Variants in C2CD3 observed in about 807,000 individuals in gnomAD.
C2CD3 encodes the protein C2 domain-containing protein 3.
C2CD3 carries 148 observed loss-of-function variants against 234.0 expected under a neutral mutation model. The observed-to-expected ratio is 0.63, with a 90% CI of 0.55 to 0.72. The LOEUF (loss-of-function observed/expected upper bound fraction) is 0.72, where lower values mean the gene tolerates loss of function less well. C2CD3 is among the 30% of genes least tolerant of loss of function. The pLI is 0.00. For synonymous variants in C2CD3, 1,000 were observed against 1,035.4 expected, an observed-to-expected ratio of 0.97 and a Z score of 0.66; for missense variants, 2,577 against 2,811.5, an observed-to-expected ratio of 0.92 and a Z score of 1.89.
chr11:74,032,092 G>A (rs1157249116), intron 31 of C2CD3, among the ~76,000 whole-genome samples: 1 of 152,176 alleles, frequency 6.6e-6, no homozygotes, highest in African/African-American at 2.4e-5. Context: ...TCTCTGTGTA[G>A]TGCTAGGTCC....
At chr11:74,034,962 T>C (rs1461945968) in intron 30 of C2CD3, among the ~76,000 whole-genome samples, 1 of 152,254 alleles carries the variant, frequency 6.6e-6, no homozygotes, top group Non-Finnish European at 1.5e-5. Context: ...GGTGAATATA[T>C]AACCACTTAA....
intron 3 of C2CD3, among the ~76,000 whole-genome samples, chr11:74,153,779 T>G (rs771362887): frequency 1.2e-4 from 18 of 152,174 alleles, no homozygotes; most frequent in Non-Finnish European, 1.9e-4. Flanking sequence ...GTATCTTATT[T>G]CAAGGTTTAC....
At chr11:74,119,494 C>A (rs139233293) in intron 8 of C2CD3, among the ~76,000 whole-genome samples, 27 of 152,152 alleles carry the variant, frequency 1.8e-4, no homozygotes, top group Middle Eastern at 3.4e-3. Context: ...ATTCAGGACA[C>A]AAACCCAAAG....
At position 74,090,946 on chromosome 11, in the gene C2CD3, G is replaced by A; in HGVS notation, c.3518-10C>T. ...CCCACATCCAGTAAACCTGAAGAAT[G>A]AGGACACAAGGAAAGAAGGTTGGTC... On this transcript the variant is annotated splice_polypyrimidine_tract_variant and intron_variant, in intron 19 of 32. Coordinates refer to ENST00000334126, the MANE Select transcript of C2CD3 (RefSeq NM_001286577.2). The A allele has an allele frequency of 6.2e-7, 1 of 1,613,170 alleles. No individual in the cohort carries two copies. The highest frequency in any genetic ancestry group is 8.5e-7 in the Non-Finnish European group (1 of 1,179,704).
chr11:74,099,775 AGT>A (rs1956243619), intron 15 of C2CD3, among the ~76,000 whole-genome samples: 6 of 152,076 alleles, frequency 3.9e-5, no homozygotes, highest in African/African-American at 1.4e-4. Context: ...AGGTGCCTGT[AGT>A]CCCAGCTACT....
At chr11:74,156,161 C>CT in intron 3 of C2CD3, among the ~76,000 whole-genome samples, 1 of 152,194 alleles carries the variant, frequency 6.6e-6, no homozygotes, top group East Asian at 1.9e-4. Context: ...GTAGTCCCAG[C>CT]TACTTAGGAG....
At chr11:74,068,168 C>A (rs1165913851) in intron 24 of C2CD3, among the ~76,000 whole-genome samples, 1 of 152,192 alleles carries the variant, frequency 6.6e-6, no homozygotes, top group Non-Finnish European at 1.5e-5. Flanking sequence ...CTATATTAAA[C>A]TCCTCTCTGC....
intron 24 of C2CD3, among the ~76,000 whole-genome samples, chr11:74,069,009 G>A (rs1369461030): frequency 1.3e-5 from 2 of 152,158 alleles, no homozygotes; most frequent in Non-Finnish European, 2.9e-5. Flanking sequence ...TGTTGGCCAG[G>A]CTGGTTTTGA....
chr11:74,126,645 G>A (rs1957423121), intron 7 of C2CD3, among the ~76,000 whole-genome samples: 1 of 152,180 alleles, frequency 6.6e-6, no homozygotes, highest in South Asian at 2.1e-4. Flanking sequence ...TCGGGAAGCT[G>A]AGGCAGGAGA....
intron 28 of C2CD3, among the ~76,000 whole-genome samples, chr11:74,047,284 G>GGGACAT (rs1953427646): frequency 1.3e-5 from 2 of 152,324 alleles, no homozygotes; most frequent in South Asian, 4.1e-4. Context: ...AGTGGTAACA[G>GGGACAT]GGACATCTTT....
chr11:74,099,056 A>T (rs1322173376), intron 15 of C2CD3, among the ~76,000 whole-genome samples: 3 of 152,206 alleles, frequency 2.0e-5, no homozygotes, highest in Admixed American at 1.3e-4. Context: ...CTATTATTTT[A>T]CACACTCTGA....
In C2CD3 at chr11:74,074,506, C is replaced by T. The variant is rs756716822; in HGVS notation, c.4698G>A (p.Glu1566=). 3.1e-6 allele frequency: 5 copies of T among 1,614,038 alleles called. No individual in the cohort carries two copies. Among genetic ancestry groups the T allele is most frequent in the Middle Eastern group, 1.6e-4 (1 of 6,084 alleles). The change falls in exon 24 of 33, where the codon GAG becomes GAA. Residue 1566 remains glutamate (E), a synonymous_variant. Coordinates refer to ENST00000334126, the MANE Select transcript of C2CD3 (RefSeq NM_001286577.2). ...VVLSSLSSHL[E]PTHELDSMDC... ...CCATGGAGTCCAGCTCATGAGTGGG[C>T]TCAAGGTGTGAGGAAAGAGAGGAAA...
In C2CD3 at chr11:74,123,117, G is replaced by A. The variant is rs565971614; in HGVS notation, c.1236C>T (p.Gly412=). 6.2e-7 allele frequency: 1 copy of A among 1,612,848 alleles called. No individual in the cohort carries two copies. Among genetic ancestry groups the A allele is most frequent in the East Asian group, 2.2e-5 (1 of 44,856 alleles). ...LLLGSAELSQ[G]NFWDGLGSPP... Reference sequence around the variant, plus strand: ...GAGAGCCTAGCCCATCCCAGAAATTGCCTTGGGATAATTCAGCACTGCAGA... The same window carrying A: ...GAGAGCCTAGCCCATCCCAGAAATTACCTTGGGATAATTCAGCACTGCAGA... Residue 412 remains glycine, a synonymous_variant, in exon 8 of 33, where the codon GGC becomes GGT. Transcript: ENST00000334126.
In C2CD3 at chr11:74,098,152, T is replaced by C. The variant is rs1956179325; in HGVS notation, c.2836A>G (p.Ser946Gly). Reference protein sequence around the residue: ...IDVFSGHQNGSLRVFLAMGSS... With the variant: ...IDVFSGHQNGGLRVFLAMGSS... ...CCCATAGCTAAAAAGACTCGAAGAC[T>C]CCCATTTTGGTGGCCTGAAAACACA... Residue 946 changes from serine to glycine, a missense_variant, in exon 16 of 33, where the codon AGT (serine) becomes GGT (glycine). Coordinates refer to ENST00000334126, the MANE Select transcript of C2CD3 (RefSeq NM_001286577.2). 2.5e-6 allele frequency: 4 copies of C among 1,613,878 alleles called. No individual in the cohort carries two copies. Among genetic ancestry groups the C allele is most frequent in the Non-Finnish European group, 3.4e-6 (4 of 1,179,978 alleles).
intron 3 of C2CD3, among the ~76,000 whole-genome samples, chr11:74,150,526 A>AAAAAAAAAAAAAATT (rs1855563760): frequency 1.7e-5 from 1 of 57,690 alleles, no homozygotes; most frequent in African/African-American, 7.8e-5. Flanking sequence ...CAAAAAAAAA[A>AAAAAAAAAAAAAATT]CAAAACAAAT....
Position 74,144,803 on chromosome 11 carries a change from T to C in C2CD3, c.484-4975A>G, listed in dbSNP as rs147910089. On this transcript the variant is annotated intron_variant, in intron 3 of 32. Coordinates refer to ENST00000334126, the MANE Select transcript of C2CD3 (RefSeq NM_001286577.2). ...GATCTCATTCTTTTTTATGGCTGCATAGTTTTCCATAGTGTATACGTACCA... is the reference window on the plus strand; with the variant it reads ...GATCTCATTCTTTTTTATGGCTGCACAGTTTTCCATAGTGTATACGTACCA... Among the ~76,000 whole-genome samples the C allele has an allele frequency of 5.0e-3, 761 of 152,284 alleles. 5 individuals carry two copies. Among genetic ancestry groups the C allele is most frequent in the Non-Finnish European group, 7.6e-3 (516 of 68,028 alleles).
chr11:74,054,295 A>T (rs1388964434), intron 26 of C2CD3, among the ~76,000 whole-genome samples: 3 of 147,958 alleles, frequency 2.0e-5, no homozygotes, highest in Non-Finnish European at 3.0e-5. Context: ...AAAAAAAATT[A>T]GCTAGGCATA....
intron 32 of C2CD3, 61 bp downstream of exon 32, chr11:74,028,226 C>A (rs1952382712): frequency 2.4e-6 from 3 of 1,231,012 alleles, no homozygotes; most frequent in Non-Finnish European, 3.4e-6. Context: ...GCATTCTGTG[C>A]ACACTTCTGT....
At chr11:74,038,305 T>G (rs1952843982) in intron 29 of C2CD3, among the ~76,000 whole-genome samples, 1 of 152,234 alleles carries the variant, frequency 6.6e-6, no homozygotes, top group Non-Finnish European at 1.5e-5. Context: ...CATAAATAAG[T>G]GATTTTAAAA....
Sources: allele counts gnomAD v4.1 joint callset (sites outside exome capture counted in the v4.1 genomes callset), GRCh38; gene constraint gnomAD v4.1.1; transcripts MANE v1.5; gene names NCBI Gene and HGNC (gene_info 2026-07-23, HGNC 2026-07-21).